The following ZNF536 variants were observed in gnomAD, a reference collection of about 807,000 sequenced individuals.
The protein encoded by ZNF536 is zinc finger protein 536.
In ZNF536, 13 loss-of-function variants were observed where a neutral mutation model predicts 84.5. The observed-to-expected ratio is 0.15, with a 90% CI of 0.10 to 0.24. ZNF536 has a LOEUF of 0.24. ZNF536 is among the 10% of genes least tolerant of loss of function. The probability of loss-of-function intolerance (pLI) is 1.00; values close to 1 mark genes in which losing one functional copy is unlikely to be tolerated. For missense variants in ZNF536, 1,536 were observed against 1,747.5 expected, an observed-to-expected ratio of 0.88 and a Z score of 2.16; for synonymous variants, 811 against 742.5, an observed-to-expected ratio of 1.09 and a Z score of -1.50.
chr19:30,325,522 G>A (rs946608527), intron 2 of ZNF536, among the ~76,000 whole-genome samples: 11 of 152,226 alleles, frequency 7.2e-5, no homozygotes, highest in African/African-American at 2.7e-4. Flanking sequence ...TCCAGTGACA[G>A]CCTGTGCATG....
chr19:30,639,596 C>T (rs1397247221), intron 1 of ZNF536, among the ~76,000 whole-genome samples: 1 of 152,170 alleles, frequency 6.6e-6, no homozygotes, highest in Non-Finnish European at 1.5e-5. Context: ...TGCGGAAGAT[C>T]ACCATAAGTC....
rs143490872 is a variant in ZNF536, at chr19:30,367,120, G to A, written c.-3+14636G>A. Among the ~76,000 whole-genome samples the A allele has an allele frequency of 2.6e-5, 4 of 152,304 alleles. No individual in the cohort carries two copies. The East Asian group carries it at 7.7e-4, about 30-fold the overall frequency. On this transcript the variant is annotated intron_variant, in intron 3 of 5. Transcript: ENST00000585628. Reference sequence around the variant, plus strand: ...GTTTTTCCATTTCTCACTTGCTAGGGGCAGTGGCCCCTTTTCCATGGAAGA... The same window carrying A: ...GTTTTTCCATTTCTCACTTGCTAGGAGCAGTGGCCCCTTTTCCATGGAAGA...
chr19:30,259,585 T>C (rs1315916723), intron 1 of ZNF536, among the ~76,000 whole-genome samples: 1 of 152,184 alleles, frequency 6.6e-6, no homozygotes, highest in East Asian at 1.9e-4. Flanking sequence ...GGTTATAAAA[T>C]GGCAGTGGCT....
At chr19:30,465,829 C>T (rs2053363294) in intron 2 of ZNF536, among the ~76,000 whole-genome samples, 1 of 152,084 alleles carries the variant, frequency 6.6e-6, no homozygotes, top group Non-Finnish European at 1.5e-5. Context: ...CGGCTCACTG[C>T]AAGCTCCACC....
At chr19:30,249,316 T>C (rs1003838169) in intron 1 of ZNF536, among the ~76,000 whole-genome samples, 3 of 127,578 alleles carry the variant, frequency 2.4e-5, no homozygotes, top group Admixed American at 1.0e-4. Flanking sequence ...CTTAGTATTA[T>C]AATATAAACA....
At chr19:30,596,267 GA>G (rs550196780) in intron 1 of ZNF536, among the ~76,000 whole-genome samples, 13 of 149,140 alleles carry the variant, frequency 8.7e-5, no homozygotes, top group South Asian at 4.3e-4. Flanking sequence ...AGGGAGAGGG[GA>G]AAAAAAAAGA....
upstream of ZNF536, among the ~76,000 whole-genome samples, chr19:30,370,644 T>G (rs903442642): frequency 6.6e-5 from 10 of 152,232 alleles, no homozygotes; most frequent in African/African-American, 2.2e-4. Context: ...AATCAAGCTC[T>G]AAATATGGCT....
intron 2 of ZNF536, among the ~76,000 whole-genome samples, chr19:30,347,636 C>T (rs568777613): frequency 8.5e-5 from 13 of 152,244 alleles, no homozygotes; most frequent in East Asian, 1.9e-4. Flanking sequence ...TCAGCCACTG[C>T]GGCCCCTGCT....
intron 1 of ZNF536, among the ~76,000 whole-genome samples, chr19:30,615,183 G>A (rs1350762001): frequency 2.0e-5 from 3 of 148,246 alleles, no homozygotes; most frequent in African/African-American, 7.6e-5. Flanking sequence ...CTGACCTCGT[G>A]ATCCGCCCGT....
intron 1 of ZNF536, among the ~76,000 whole-genome samples, chr19:30,399,467 A>G (rs1287824176): frequency 6.6e-6 from 1 of 151,890 alleles, no homozygotes; most frequent in East Asian, 1.9e-4. Context: ...TGCTTTTGGT[A>G]TTTTAGACAT....
intron 1 of ZNF536, among the ~76,000 whole-genome samples, chr19:30,262,479 G>A (rs906654536): frequency 7.9e-5 from 12 of 152,234 alleles, no homozygotes; most frequent in African/African-American, 2.7e-4. Flanking sequence ...TCAAGGCTGC[G>A]GGTTTTGGGG....
intron 1 of ZNF536, among the ~76,000 whole-genome samples, chr19:30,663,473 C>T (rs114322660): frequency 0.02 from 3,054 of 152,270 alleles, 103 homozygotes; most frequent in African/African-American, 0.07. Context: ...CATTATACGA[C>T]GCCTTCCAAA....
intron 2 of ZNF536, among the ~76,000 whole-genome samples, chr19:30,341,754 T>G (rs983071127): frequency 6.6e-6 from 1 of 152,044 alleles, no homozygotes; most frequent in Non-Finnish European, 1.5e-5. Context: ...AAACAATAAC[T>G]CCTTTTAACT....
rs1032738418 is a variant in ZNF536, at chr19:30,557,985, T to A, written c.*821T>A. 6.6e-6 allele frequency: 1 copy of A among 152,494 alleles called. No homozygotes were observed. The highest frequency in any genetic ancestry group is 1.9e-4 in the East Asian group (1 of 5,184). 9.4% of individuals were successfully genotyped at this position (152,494 alleles called of 1,614,324 possible). The stretch of plus-strand genomic sequence containing the variant: ...CAAGTTAGGTCATTTATGAATGGAA[T>A]GTAAAATAATACTAAAAATGCTTCA... On this transcript the variant is annotated 3_prime_UTR_variant, in exon 5 of 5. Transcript: ENST00000355537.
At chr19:30,303,350 C>A (rs967035628) in intron 2 of ZNF536, among the ~76,000 whole-genome samples, 2 of 152,214 alleles carry the variant, frequency 1.3e-5, no homozygotes, top group Non-Finnish European at 2.9e-5. Context: ...GCGAGAGAGG[C>A]AGGGCAAGAG....
intron 1 of ZNF536, among the ~76,000 whole-genome samples, chr19:30,377,465 G>A (rs867118717): frequency 1.1e-4 from 16 of 152,240 alleles, no homozygotes; most frequent in South Asian, 4.2e-4. Flanking sequence ...GGGCGAGTCC[G>A]CAGTTCAAAG....
chr19:30,300,462 G>GC (rs2046142578), intron 2 of ZNF536: 1 of 152,094 alleles, frequency 6.6e-6, no homozygotes, highest in African/African-American at 2.4e-5. Context: ...GGCACCTTCG[G>GC]CCGCAGTGCA....
intron 2 of ZNF536, among the ~76,000 whole-genome samples, chr19:30,515,377 G>A (rs2055593209): frequency 6.6e-6 from 1 of 152,212 alleles, no homozygotes. Context: ...AACTGCTATT[G>A]AAGTAGTTAT....
intron 1 of ZNF536, among the ~76,000 whole-genome samples, chr19:30,704,647 C>CAAAA (rs970475752): frequency 1.1e-3 from 58 of 53,440 alleles, no homozygotes; most frequent in African/African-American, 3.7e-3. Flanking sequence ...GAGTCCATCT[C>CAAAA]AAAAAAAAAA....
Sources: gnomAD v4.1 joint callset for allele counts (sites outside exome capture counted in the v4.1 genomes callset) on GRCh38, gnomAD v4.1.1 for gene constraint, MANE v1.5 for transcripts, NCBI Gene and HGNC (gene_info 2026-07-23, HGNC 2026-07-21) for gene names.